PLAC8L1: variants seen among roughly 807,000 people sequenced by gnomAD.
PLAC8L1 encodes the protein PLAC8-like protein 1.
Under a neutral mutation model 16.3 loss-of-function variants are expected in PLAC8L1, and 13 were observed. That is an observed-to-expected ratio of 0.80 (90% confidence interval 0.52 to 1.27). The LOEUF is 1.27. Ranked by LOEUF, PLAC8L1 falls within the 50% of genes most tolerant of loss-of-function variation. The pLI is 0.00. For missense variants in PLAC8L1, 184 were observed against 220.2 expected (o/e 0.84, Z 1.04); for synonymous variants, 78 against 79.3 (o/e 0.98, Z 0.09).
rs776865906 is a variant in PLAC8L1, at chr5:146,085,450, A to G, written c.393+11T>C. 5 of 1,613,430 alleles carry G rather than the reference A, an allele frequency of 3.1e-6. No individual in the cohort carries two copies. The South Asian group carries it at 5.5e-5, about 18-fold the overall frequency. Reference sequence around the variant, plus strand: ...AGATTCGGGTTCACGTATACCTTCAAACACACTTACCTGTATTTTATGTCT... The same window carrying G: ...AGATTCGGGTTCACGTATACCTTCAGACACACTTACCTGTATTTTATGTCT... On this transcript the variant is annotated intron_variant, in intron 3 of 3. Transcript: ENST00000311450.
rs140563856 is a variant in PLAC8L1, at chr5:146,087,402, G to A, written c.257-1805C>T. ...GGATACCTGGAAGGGGAATTGCTAG[G>A]TTATGGGGTAGATATACGTTTAACT... On this transcript the variant is annotated intron_variant, in intron 2 of 3. Coordinates refer to ENST00000311450, the MANE Select transcript of PLAC8L1 (RefSeq NM_001029869.3). Among the ~76,000 whole-genome samples the A allele has an allele frequency of 2.0e-5, 3 of 152,314 alleles. No individual in the cohort carries two copies. The South Asian group carries it at 6.2e-4, about 32-fold the overall frequency.
chr5:146,100,213 G>C (rs540678123), intron 1 of PLAC8L1, among the ~76,000 whole-genome samples: 3 of 152,208 alleles, frequency 2.0e-5, no homozygotes, highest in African/African-American at 7.2e-5. Flanking sequence ...AGGGATGTTT[G>C]GAACATATTT....
chr5:146,090,005 C>CT (rs1763584968), intron 2 of PLAC8L1, among the ~76,000 whole-genome samples: 1 of 151,928 alleles, frequency 6.6e-6, no homozygotes, highest in African/African-American at 2.4e-5. Flanking sequence ...TCCAGAAGTG[C>CT]TGGGATTACA....
In PLAC8L1 at chr5:146,085,178, G is replaced by A. The variant is rs527291762; in HGVS notation, c.393+283C>T. Among the ~76,000 whole-genome samples the A allele has an allele frequency of 5.3e-5, 8 of 152,212 alleles. No homozygotes were observed. The South Asian group carries it at 1.7e-3, about 32-fold the overall frequency. ...CACACCTGTAATCGCAGCACTTTGGGAGCCCAAGGTGGGCGGATCACTTGA... is the reference window on the plus strand; with the variant it reads ...CACACCTGTAATCGCAGCACTTTGGAAGCCCAAGGTGGGCGGATCACTTGA... On this transcript the variant is annotated intron_variant, in intron 3 of 3. Coordinates refer to ENST00000311450, the MANE Select transcript of PLAC8L1 (RefSeq NM_001029869.3).
At chr5:146,098,345 T>C (rs1763752761) in intron 1 of PLAC8L1, 53 bp from the exon 2 acceptor site, 2 of 1,585,236 alleles carry the variant, frequency 1.3e-6, no homozygotes, top group East Asian at 4.5e-5. Context: ...TTCAGAACAA[T>C]AACCATTAAG....
At position 146,104,465 on chromosome 5, in the gene PLAC8L1, A is replaced by C. The variant is rs546551955; in HGVS notation, c.-154T>G. 7.7e-6 allele frequency: 5 copies of C among 646,900 alleles called. No homozygotes were observed. The East Asian group carries it at 1.4e-4, about 19-fold the overall frequency. 40.1% of individuals were successfully genotyped at this position (646,900 alleles called of 1,614,324 possible). A position where few individuals can be genotyped will look rare whatever the true frequency, so the allele number is the denominator to read the frequency against. Reference sequence around the variant, plus strand: ...GAGGTCATAGCAGTGTAACTAACAGACATCTTTTTTCTTTAAAAACAGGTA... The same window carrying C: ...GAGGTCATAGCAGTGTAACTAACAGCCATCTTTTTTCTTTAAAAACAGGTA... On this transcript the variant is annotated 5_prime_UTR_variant, in exon 1 of 4. Transcript: ENST00000311450.
At chr5:146,102,990 AG>A (rs781565217) in intron 1 of PLAC8L1, among the ~76,000 whole-genome samples, 10 of 152,270 alleles carry the variant, frequency 6.6e-5, no homozygotes, top group Non-Finnish European at 1.3e-4. Flanking sequence ...TCAGAAACAA[AG>A]GAAGGAGAAA....
intron 1 of PLAC8L1, among the ~76,000 whole-genome samples, chr5:146,099,642 G>A (rs910589952): frequency 1.5e-5 from 2 of 132,714 alleles, no homozygotes; most frequent in African/African-American, 2.9e-5. Flanking sequence ...CTGGGTGACA[G>A]AGCAAGACTC....
intron 2 of PLAC8L1, among the ~76,000 whole-genome samples, chr5:146,097,373 G>A (rs1252800727): frequency 6.6e-6 from 1 of 152,180 alleles, no homozygotes; most frequent in African/African-American, 2.4e-5. Context: ...GATTGTTCTT[G>A]TTGATAGGAG....
chr5:146,084,404 G>A lies in PLAC8L1; in HGVS notation c.*28C>T. On this transcript the variant is annotated 3_prime_UTR_variant, in exon 4 of 4. Coordinates refer to ENST00000311450, the MANE Select transcript of PLAC8L1 (RefSeq NM_001029869.3). ...GAGAGGTTTGAGAGGAGGGTGTTGG[G>A]GAGTAAGGAGGAGGAGTTATCTTGC... is the stretch of plus-strand genomic sequence containing the variant. 6.2e-7 allele frequency: 1 copy of A among 1,610,994 alleles called. No homozygotes were observed. The highest frequency in any genetic ancestry group is 1.3e-5 in the African/African-American group (1 of 74,986).
In PLAC8L1 at chr5:146,098,258, G is replaced by A. The variant is rs777897498; in HGVS notation, c.154C>T (p.Pro52Ser). The A allele has an allele frequency of 5.0e-6, 8 of 1,614,168 alleles. No individual in the cohort carries two copies. The Admixed American group carries it at 1.3e-4, about 27-fold the overall frequency. The change falls in exon 2 of 4, where the codon CCT becomes TCT. Residue 52 changes from proline (P) to serine (S), a missense_variant. Physicochemically the swap from Pro to Ser is moderately conservative, Grantham distance 74. Coordinates refer to ENST00000311450, the MANE Select transcript of PLAC8L1 (RefSeq NM_001029869.3). ...GTCCTGCCACTGGCTCCCCGAACAG[G>A]CTGCTTCACCACAGCGCTGGCTGGT... ...HVPASAVVKQ[P>S]VRGASGRTTI...
chr5:146,093,275 GGT>G (rs1207559346), intron 2 of PLAC8L1, among the ~76,000 whole-genome samples: 1 of 152,172 alleles, frequency 6.6e-6, no homozygotes, highest in Non-Finnish European at 1.5e-5. Context: ...AGAAAAACCA[GGT>G]GGATAGAGAG....
At chr5:146,098,378 A>C in intron 1 of PLAC8L1, 86 bp from the exon 2 acceptor site, 1 of 1,375,094 alleles carries the variant, frequency 7.3e-7, no homozygotes, top group Non-Finnish European at 9.9e-7. Context: ...CATAAAGAAG[A>C]GATAGGGACC....
chr5:146,098,114 G>C, intron 2 of PLAC8L1, 42 bp downstream of exon 2: 1 of 1,576,162 alleles, frequency 6.3e-7, no homozygotes, highest in Non-Finnish European at 8.7e-7. Flanking sequence ...TCCTGGAAAA[G>C]AAAATAGTAA....
chr5:146,096,104 T>C (rs1763714459), intron 2 of PLAC8L1, among the ~76,000 whole-genome samples: 2 of 152,124 alleles, frequency 1.3e-5, no homozygotes, highest in South Asian at 4.1e-4. Context: ...TTGGTTCCTT[T>C]TGGGGGGTCC....
intron 1 of PLAC8L1, among the ~76,000 whole-genome samples, chr5:146,101,365 C>T (rs984324017): frequency 9.9e-5 from 15 of 152,168 alleles, no homozygotes; most frequent in African/African-American, 3.6e-4. Context: ...TTCTCCAGAA[C>T]TGTGAGAAAA....
intron 1 of PLAC8L1, among the ~76,000 whole-genome samples, chr5:146,100,368 A>G (rs941004286): frequency 6.6e-6 from 1 of 152,158 alleles, no homozygotes; most frequent in Admixed American, 6.5e-5. Flanking sequence ...CCTTTTATCC[A>G]TTAGGCATTG....
intron 1 of PLAC8L1, among the ~76,000 whole-genome samples, chr5:146,103,092 C>T (rs1763848303): frequency 6.6e-6 from 1 of 152,184 alleles, no homozygotes; most frequent in Non-Finnish European, 1.5e-5. Flanking sequence ...GTGATGCACA[C>T]CTATAATCCC....
intron 1 of PLAC8L1, among the ~76,000 whole-genome samples, chr5:146,103,368 A>G (rs1763853906): frequency 1.3e-5 from 2 of 152,136 alleles, no homozygotes; most frequent in Admixed American, 1.3e-4. Context: ...CATGTTGGCT[A>G]GGCTGGTCTC....
Sources: allele counts gnomAD v4.1 joint callset (sites outside exome capture counted in the v4.1 genomes callset), GRCh38; gene constraint gnomAD v4.1.1; transcripts MANE v1.5; gene names NCBI Gene and HGNC (gene_info 2026-07-23, HGNC 2026-07-21).